Variants in RANBP2 observed in about 807,000 individuals in gnomAD.
RANBP2 encodes RAN binding protein 2.
In RANBP2, 57 loss-of-function variants were observed where a neutral mutation model predicts 303.6. That is an observed-to-expected ratio of 0.19 (90% CI 0.15 to 0.23). The LOEUF is 0.23. Among genes scored for constraint, RANBP2 ranks in the 10% least tolerant of loss-of-function variants. RANBP2 has a pLI of 1.00. For synonymous variants in RANBP2, 1,167 were observed against 1,301.5 expected (o/e 0.90, Z 2.23); for missense variants, 3,138 against 3,780.8 (o/e 0.83, Z 4.46).
chr2:109,448,658 AC>A, the RANBP2 span, among the ~76,000 whole-genome samples: 14 of 152,196 alleles, frequency 9.2e-5, no homozygotes, highest in Non-Finnish European at 2.1e-4. Flanking sequence ...CAGGGGTCCT[AC>A]TGATTCTATG....
At chr2:109,581,001 C>A in the RANBP2 span, among the ~76,000 whole-genome samples, 6 of 152,310 alleles carry the variant, frequency 3.9e-5, 1 homozygote, top group African/African-American at 1.4e-4. Context: ...CTGGAGAGGG[C>A]CCCCAAGTCC....
At chr2:108,873,345 C>T in the RANBP2 span, 1 of 1,052,772 alleles carries the variant, frequency 9.5e-7, no homozygotes, top group Non-Finnish European at 1.3e-6. Context: ...GAATGAAAAT[C>T]TAAATGAATA....
chr2:109,024,501 G>A, the RANBP2 span, among the ~76,000 whole-genome samples: 1 of 152,212 alleles, frequency 6.6e-6, no homozygotes, highest in East Asian at 1.9e-4. Flanking sequence ...CTAACAGTGA[G>A]AAAATTACAG....
chr2:109,658,454 A>G, the RANBP2 span, among the ~76,000 whole-genome samples: 10,325 of 152,056 alleles, frequency 0.068, 1,197 homozygotes, highest in African/African-American at 0.24. Flanking sequence ...CAAAAAAAAA[A>G]GAAAAAGATA....
the RANBP2 span, among the ~76,000 whole-genome samples, chr2:109,341,287 C>CA: frequency 6.6e-6 from 1 of 152,204 alleles, no homozygotes; most frequent in African/African-American, 2.4e-5. Context: ...ATAACAGTAA[C>CA]AAACTTCTTC....
chr2:109,324,004 A>G, the RANBP2 span, among the ~76,000 whole-genome samples: 1 of 152,206 alleles, frequency 6.6e-6, no homozygotes, highest in Non-Finnish European at 1.5e-5. Context: ...ACACTAATGT[A>G]ATTTCTGTCC....
the RANBP2 span, among the ~76,000 whole-genome samples, chr2:109,192,636 A>T: frequency 5.9e-5 from 9 of 152,314 alleles, no homozygotes; most frequent in East Asian, 1.7e-3. Flanking sequence ...AAATATACAG[A>T]AGGTAATGCA....
At chr2:108,810,827 G>A in the RANBP2 span, among the ~76,000 whole-genome samples, 17 of 152,286 alleles carry the variant, frequency 1.1e-4, no homozygotes, top group Non-Finnish European at 2.1e-4. Context: ...GCTTTTCTTT[G>A]TTGGGAAACT....
At chr2:109,147,614 C>T in the RANBP2 span, among the ~76,000 whole-genome samples, 2 of 152,184 alleles carry the variant, frequency 1.3e-5, no homozygotes, top group Admixed American at 1.3e-4. Flanking sequence ...GGTCTCATAG[C>T]GTGTTATCGA....
the RANBP2 span, among the ~76,000 whole-genome samples, chr2:109,238,607 G>A: frequency 1.3e-5 from 2 of 151,782 alleles, no homozygotes; most frequent in African/African-American, 4.8e-5. Flanking sequence ...ATTCTTTTTC[G>A]CATTATGGAT....
chr2:108,929,464 G>A, the RANBP2 span: 8 of 1,409,406 alleles, frequency 5.7e-6, no homozygotes, highest in Non-Finnish European at 5.0e-6. Flanking sequence ...GGGCAGTGAC[G>A]TGCCAGCTGT....
At chr2:108,911,762 C>T in the RANBP2 span, among the ~76,000 whole-genome samples, 9 of 152,084 alleles carry the variant, frequency 5.9e-5, no homozygotes, top group Admixed American at 2.0e-4. Flanking sequence ...TGCCACCACC[C>T]AAATAGACAG....
At chr2:109,126,859 G>A in the RANBP2 span, among the ~76,000 whole-genome samples, 7 of 152,216 alleles carry the variant, frequency 4.6e-5, no homozygotes, top group Admixed American at 1.3e-4. Context: ...GTCACAGGCC[G>A]TCCTTGCTCT....
the RANBP2 span, among the ~76,000 whole-genome samples, chr2:109,530,361 TG>T: frequency 6.6e-6 from 1 of 152,204 alleles, no homozygotes; most frequent in South Asian, 2.1e-4. Context: ...GTGAGCAGGC[TG>T]TGGCGCCTCC....
At chr2:108,921,647 G>A in the RANBP2 span, among the ~76,000 whole-genome samples, 2 of 152,300 alleles carry the variant, frequency 1.3e-5, no homozygotes, top group South Asian at 2.1e-4. Flanking sequence ...CGACGTTTTT[G>A]CTGACTGCTG....
At chr2:109,706,450 T>C in the RANBP2 span, among the ~76,000 whole-genome samples, 1 of 152,202 alleles carries the variant, frequency 6.6e-6, no homozygotes, top group South Asian at 2.1e-4. Context: ...CAGAAGTCTA[T>C]GTGGCTACGT....
At chr2:108,868,917 A>T in the RANBP2 span, among the ~76,000 whole-genome samples, 8 of 151,496 alleles carry the variant, frequency 5.3e-5, no homozygotes, top group Admixed American at 1.3e-4. Flanking sequence ...AAAAAATGAA[A>T]TTTTTTTCTA....
chr2:109,055,364 T>C, the RANBP2 span, among the ~76,000 whole-genome samples: 1 of 42,736 alleles, frequency 2.3e-5, no homozygotes, highest in Non-Finnish European at 5.5e-5. Context: ...ATTTTTTCTT[T>C]TCTTTTTTTT....
chr2:109,259,325 G>A, the RANBP2 span, among the ~76,000 whole-genome samples: 1 of 152,182 alleles, frequency 6.6e-6, no homozygotes, highest in African/African-American at 2.4e-5. Flanking sequence ...TGACAGTTGA[G>A]CCTACCTGAA....
Sources: allele counts gnomAD v4.1 joint callset (sites outside exome capture counted in the v4.1 genomes callset), GRCh38; gene constraint gnomAD v4.1.1; transcripts MANE v1.5; gene names NCBI Gene and HGNC (gene_info 2026-07-23, HGNC 2026-07-21).